The following LPCAT2 variants were observed in gnomAD, a reference collection of about 807,000 sequenced individuals.
The protein encoded by LPCAT2 is lysophosphatidylcholine acyltransferase 2, also known as 1-AGP acyltransferase 11.
Under a neutral mutation model 64.7 loss-of-function variants are expected in LPCAT2, and 58 were observed. The ratio of observed to expected loss-of-function variants is 0.90; its 90% CI spans 0.73 to 1.12. The LOEUF is 1.12. LPCAT2 is among the 50% of genes most tolerant of loss of function. The probability of loss-of-function intolerance (pLI) is 0.00; values close to 1 mark genes in which losing one functional copy is unlikely to be tolerated. For missense variants in LPCAT2, 579 were observed against 669.8 expected (o/e 0.86, Z 1.50); for synonymous variants, 252 against 245.3 (o/e 1.03, Z -0.26).
At chr16:55,550,770 G>T (rs1428303130) in intron 10 of LPCAT2, among the ~76,000 whole-genome samples, 179 bp from the exon 11 acceptor site, 3 of 152,032 alleles carry the variant, frequency 2.0e-5, no homozygotes, top group African/African-American at 7.2e-5. Context: ...CAAAATAAAA[G>T]ATTAAATGCC....
Position 55,545,782 on chromosome 16 carries a change from C to A in LPCAT2, c.900C>A (p.Val300=). The change falls in exon 9 of 14, where the codon GTC becomes GTA. Residue 300 remains valine (V), a synonymous_variant. Transcript: ENST00000262134. ...ATGATGAAGAAAAAAATGATCCTGT[C>A]CTTTTTGCCAATAAAGTCCGGAATT... ...VPNDEEKNDP[V]LFANKVRNLM... 1 of 1,612,964 alleles carries A rather than the reference C, an allele frequency of 6.2e-7. No homozygotes were observed. Among genetic ancestry groups the A allele is most frequent in the Non-Finnish European group, 8.5e-7 (1 of 1,179,426 alleles).
intron 7 of LPCAT2, among the ~76,000 whole-genome samples, chr16:55,535,826 C>T (rs1175456093): frequency 2.0e-5 from 3 of 152,018 alleles, no homozygotes; most frequent in African/African-American, 7.2e-5. Flanking sequence ...TTTGGTTGCC[C>T]AGCAGTCCAG....
At chr16:55,533,052 A>C (rs558508978) in intron 6 of LPCAT2, among the ~76,000 whole-genome samples, 170 bp downstream of exon 6, 1 of 152,300 alleles carries the variant, frequency 6.6e-6, no homozygotes, top group East Asian at 1.9e-4. Context: ...CAAGATAGGC[A>C]CATATCCATT....
chr16:55,579,682 A>G (rs1596892836), intron 13 of LPCAT2, among the ~76,000 whole-genome samples: 1 of 152,166 alleles, frequency 6.6e-6, no homozygotes, highest in East Asian at 1.9e-4. Flanking sequence ...AAAACTGAAC[A>G]AGTAAACCAA....
At chr16:55,538,699 A>G (rs1026720877) in intron 8 of LPCAT2, 7 of 151,156 alleles carry the variant, frequency 4.6e-5, no homozygotes, top group East Asian at 1.9e-4. Context: ...AAAAAAAAAA[A>G]AAAAGAAAAC....
chr16:55,554,082 A>G (rs571576506), intron 11 of LPCAT2, among the ~76,000 whole-genome samples: 4 of 152,252 alleles, frequency 2.6e-5, no homozygotes, highest in African/African-American at 9.6e-5. Context: ...TTGTTGTTCC[A>G]TTTATAGAAC....
chr16:55,550,767 A>G (rs1232933040), intron 10 of LPCAT2, among the ~76,000 whole-genome samples, 182 bp from the exon 11 acceptor site: 11 of 152,208 alleles, frequency 7.2e-5, no homozygotes, highest in Admixed American at 6.5e-4. Flanking sequence ...ATACAAAATA[A>G]AAGATTAAAT....
At chr16:55,554,115 A>G (rs1347261822) in intron 11 of LPCAT2, among the ~76,000 whole-genome samples, 1 of 152,094 alleles carries the variant, frequency 6.6e-6, no homozygotes, top group African/African-American at 2.4e-5. Context: ...GATTTAACAT[A>G]ATGTTTAAGG....
chr16:55,579,136 A>G lies in LPCAT2; in HGVS notation c.1342A>G (p.Ile448Val), dbSNP rs199577086. The change falls in exon 13 of 14, where the codon ATA becomes GTA. Residue 448 changes from isoleucine (I) to valine (V), a missense_variant. Transcript: ENST00000262134. ...KLFDVDEDGY[I>V]TEEEFSTILQ... Reference sequence around the variant, plus strand: ...GTTTGACGTTGATGAGGATGGCTACATAACGGAGGAAGAGTTCTCCACCAT... The same window carrying G: ...GTTTGACGTTGATGAGGATGGCTACGTAACGGAGGAAGAGTTCTCCACCAT... The G allele has an allele frequency of 5.6e-6, 9 of 1,613,442 alleles. No homozygotes were observed. The South Asian group carries it at 8.8e-5, about 16-fold the overall frequency.
chr16:55,561,485 G>A (rs572820685), intron 11 of LPCAT2, among the ~76,000 whole-genome samples: 1 of 150,860 alleles, frequency 6.6e-6, no homozygotes, highest in South Asian at 2.1e-4. Context: ...AGGAGAAAAA[G>A]CTTGTTAATC....
At chr16:55,546,321 G>A (rs1963452985) in intron 9 of LPCAT2, among the ~76,000 whole-genome samples, 1 of 152,142 alleles carries the variant, frequency 6.6e-6, no homozygotes, top group South Asian at 2.1e-4. Flanking sequence ...ACATAAGGGA[G>A]TTCTAACTGG....
intron 1 of LPCAT2, 44 bp from the exon 2 acceptor site, chr16:55,525,464 A>T: frequency 6.4e-7 from 1 of 1,559,984 alleles, no homozygotes; most frequent in Non-Finnish European, 8.7e-7. Context: ...GCCATGAATT[A>T]AAATAATGTC....
chr16:55,567,499 C>A (rs770457849), intron 11 of LPCAT2: 1 of 1,611,614 alleles, frequency 6.2e-7, no homozygotes, highest in East Asian at 2.2e-5. Flanking sequence ...ACCATGTATT[C>A]CTGAAGTGGG....
intron 11 of LPCAT2, among the ~76,000 whole-genome samples, chr16:55,552,498 A>G (rs745820986): frequency 6.6e-6 from 1 of 152,090 alleles, no homozygotes; most frequent in Non-Finnish European, 1.5e-5. Flanking sequence ...GTTTTATCTT[A>G]TTTGAGAATT....
chr16:55,545,463 C>T (rs1218375715), intron 8 of LPCAT2: 2 of 270,880 alleles, frequency 7.4e-6, no homozygotes, highest in Non-Finnish European at 1.4e-5. Context: ...CTTGTTTCAC[C>T]CTCACAATCA....
At chr16:55,526,400 T>C (rs1963170784) in intron 2 of LPCAT2, among the ~76,000 whole-genome samples, 2 of 152,202 alleles carry the variant, frequency 1.3e-5, no homozygotes, top group Admixed American at 6.5e-5. Context: ...TTTCAGGGCA[T>C]TGTCAAACCT....
chr16:55,528,463 C>A lies in LPCAT2; in HGVS notation c.398C>A (p.Ala133Glu). The A allele has an allele frequency of 1.2e-6, 2 of 1,613,954 alleles. No individual in the cohort carries two copies. The highest frequency in any genetic ancestry group is 1.7e-6 in the Non-Finnish European group (2 of 1,179,880). ...ATAGTTGCTGTAAAAGGAAAGATTG[C>A]AAGTCCTTTGGAAGCACCAGTTTTT... ...GFIVAVKGKI[A>E]SPLEAPVFVA... is the part of the protein sequence containing the mutation. Residue 133 changes from alanine to glutamate, a missense_variant, in exon 3 of 14, where the codon GCA (alanine) becomes GAA (glutamate). Transcript: ENST00000262134.
chr16:55,549,454 CT>C (rs762990315), intron 10 of LPCAT2, 52 bp downstream of exon 10: 1 of 1,479,716 alleles, frequency 6.8e-7, no homozygotes, highest in African/African-American at 1.5e-5. Context: ...CAAAAGGGAT[CT>C]GAAATCCTGT....
At chr16:55,552,253 C>G (rs896214637) in intron 11 of LPCAT2, among the ~76,000 whole-genome samples, 2 of 152,118 alleles carry the variant, frequency 1.3e-5, no homozygotes, top group Non-Finnish European at 2.9e-5. Flanking sequence ...GAGATCCAGG[C>G]ATGGTGTTTT....
Sources: allele counts gnomAD v4.1 joint callset (sites outside exome capture counted in the v4.1 genomes callset), GRCh38; gene constraint gnomAD v4.1.1; transcripts MANE v1.5; gene names NCBI Gene and HGNC (gene_info 2026-07-23, HGNC 2026-07-21).